The following CDH4 variants were observed in gnomAD, a reference collection of about 807,000 sequenced individuals.
CDH4 encodes the protein cadherin 4, also known as cadherin-4.
CDH4 carries 33 observed loss-of-function variants against 86.0 expected under a neutral mutation model. That is an observed-to-expected ratio of 0.38 (90% CI 0.29 to 0.51). The LOEUF is 0.51. Among genes scored for constraint, CDH4 ranks in the 20% least tolerant of loss-of-function variants. The pLI, the probability that CDH4 is intolerant of heterozygous loss-of-function variation, is 0.86. For synonymous variants in CDH4, 555 were observed against 549.4 expected, an observed-to-expected ratio of 1.01 and a Z score of -0.14; for missense variants, 1,114 against 1,307.4, an observed-to-expected ratio of 0.85 and a Z score of 2.28.
rs1286826269 is a variant in CDH4 at position 61,518,386 on chromosome 20, G to A, written c.170-225177G>A. On this transcript the variant is annotated intron_variant, in intron 2 of 15. Coordinates refer to ENST00000614565, the MANE Select transcript of CDH4 (RefSeq NM_001794.5). This position sits in a 1 kb window ranked among gnomAD's most constrained non-coding sequence, Gnocchi z 6.3. ...ACGTTATCAGATAGGCTGGAATTTG[G>A]CCAAATTCTCTGTTATGATGAGGCT... Among the ~76,000 whole-genome samples, 1 of 152,102 alleles carries A rather than the reference G, an allele frequency of 6.6e-6. No homozygotes were observed. Among genetic ancestry groups the A allele is most frequent in the African/African-American group, 2.4e-5 (1 of 41,414 alleles).
chr20:61,756,543 C>T (rs1445620253), intron 3 of CDH4, among the ~76,000 whole-genome samples: 1 of 150,306 alleles, frequency 6.7e-6, no homozygotes, highest in African/African-American at 2.5e-5. Context: ...TCACCCCATC[C>T]CCTGGACCCT....
At chr20:61,661,480 T>TC in intron 2 of CDH4, among the ~76,000 whole-genome samples, 1 of 150,574 alleles carries the variant, frequency 6.6e-6, no homozygotes, top group Admixed American at 6.6e-5. Flanking sequence ...CTTTTTTTTT[T>TC]TTTTTTTTTT....
rs140376640 is a variant in CDH4, at chr20:61,758,899, C to T, written c.397-14104C>T. ...AGGTTCTGCTTGGGCCGTTAGCTCTCGACTAGAGCTGGTGTGTGTGTGCAC... is the reference window on the plus strand; with the variant it reads ...AGGTTCTGCTTGGGCCGTTAGCTCTTGACTAGAGCTGGTGTGTGTGTGCAC... On this transcript the variant is annotated intron_variant, in intron 3 of 15. Coordinates refer to ENST00000614565, the MANE Select transcript of CDH4 (RefSeq NM_001794.5). Among the ~76,000 whole-genome samples the T allele has an allele frequency of 1.6e-3, 250 of 152,220 alleles. 2 individuals are homozygous for T. The highest frequency in any genetic ancestry group is 5.8e-3 in the African/African-American group (242 of 41,550).
rs148537348 is a variant in CDH4, at chr20:61,580,378, C to T, written c.170-163185C>T. Among the ~76,000 whole-genome samples, 1,400 of 152,208 alleles carry T rather than the reference C, an allele frequency of 9.2e-3. 21 individuals are homozygous for T. Among genetic ancestry groups the T allele is most frequent in the African/African-American group, 0.032 (1,314 of 41,526 alleles). On this transcript the variant is annotated intron_variant, in intron 2 of 15. Transcript: ENST00000614565. ...GCTGAGGCAGGAGAATTGCTGGCCA[C>T]CCGGGAGGTGGAGGCTGCAGTGAGC...
At chr20:61,499,510 A>G (rs1160513244) in intron 2 of CDH4, 2 of 1,286,594 alleles carry the variant, frequency 1.6e-6, no homozygotes, top group Non-Finnish European at 2.0e-6. Context: ...TGAGTGTGCT[A>G]GGGGGGCTTA....
At chr20:61,686,673 G>A (rs1293541052) in intron 2 of CDH4, among the ~76,000 whole-genome samples, 14 of 151,270 alleles carry the variant, frequency 9.3e-5, no homozygotes, top group African/African-American at 2.9e-4. Flanking sequence ...GTGTATGTGC[G>A]TGTGCATTTG....
At chr20:61,389,657 G>T (rs534985685) in intron 2 of CDH4, among the ~76,000 whole-genome samples, 1 of 152,170 alleles carries the variant, frequency 6.6e-6, no homozygotes, top group Non-Finnish European at 1.5e-5. Context: ...AGGAACACAC[G>T]GCGATGTCTG....
intron 2 of CDH4, among the ~76,000 whole-genome samples, chr20:61,394,891 G>T (rs2085007915): frequency 7.2e-6 from 1 of 138,394 alleles, no homozygotes; most frequent in East Asian, 2.1e-4. Flanking sequence ...TCACAACCCT[G>T]CCCCTGTCAC....
At chr20:61,818,504 GTC>G (rs1286313906) in intron 4 of CDH4, among the ~76,000 whole-genome samples, 1 of 151,970 alleles carries the variant, frequency 6.6e-6, no homozygotes, top group Non-Finnish European at 1.5e-5. Flanking sequence ...GCAAGGCCCT[GTC>G]TCTACACAAA....
intron 2 of CDH4, among the ~76,000 whole-genome samples, chr20:61,390,353 G>A (rs371417489): frequency 8.0e-6 from 1 of 125,742 alleles, no homozygotes; most frequent in African/African-American, 3.4e-5. Context: ...AGGAAACCCC[G>A]ATTGGGTTCG....
chr20:61,686,679 A>T (rs1251021304), intron 2 of CDH4, among the ~76,000 whole-genome samples: 1 of 138,320 alleles, frequency 7.2e-6, no homozygotes, highest in Non-Finnish European at 1.5e-5. Context: ...GTGCGTGTGC[A>T]TTTGTGTGTG....
intron 2 of CDH4, among the ~76,000 whole-genome samples, chr20:61,267,359 C>T (rs1350559969): frequency 1.3e-5 from 2 of 152,124 alleles, no homozygotes; most frequent in Non-Finnish European, 2.9e-5. Context: ...GTTTAGCCTC[C>T]GATTCCCCAG....
At chr20:61,592,737 T>G (rs2086527015) in intron 2 of CDH4, among the ~76,000 whole-genome samples, 1 of 152,174 alleles carries the variant, frequency 6.6e-6, no homozygotes, top group African/African-American at 2.4e-5. Flanking sequence ...CACGCAGTCT[T>G]CTGGGCCACC....
At chr20:61,538,721 T>C (rs781015836) in intron 2 of CDH4, among the ~76,000 whole-genome samples, 1 of 152,182 alleles carries the variant, frequency 6.6e-6, no homozygotes, top group East Asian at 1.9e-4. Context: ...CTATTCCCAC[T>C]GGGTGCGACT....
intron 2 of CDH4, among the ~76,000 whole-genome samples, chr20:61,634,368 C>T (rs111265911): frequency 2.2e-4 from 33 of 152,316 alleles, no homozygotes; most frequent in African/African-American, 7.7e-4. Context: ...CCGTGGAGCT[C>T]GGGGTAGGTG....
chr20:61,767,489 G>A (rs2088713841), intron 3 of CDH4, among the ~76,000 whole-genome samples: 1 of 152,216 alleles, frequency 6.6e-6, no homozygotes, highest in African/African-American at 2.4e-5. Flanking sequence ...ATTGAGCCTG[G>A]CATGAGGATG....
intron 4 of CDH4, among the ~76,000 whole-genome samples, chr20:61,777,984 GCA>G (rs1277395987): frequency 1.3e-5 from 2 of 151,890 alleles, no homozygotes; most frequent in South Asian, 2.1e-4. Flanking sequence ...ACATCCACAT[GCA>G]CACACACGTG....
At chr20:61,695,165 C>A (rs1262994062) in intron 2 of CDH4, among the ~76,000 whole-genome samples, 1 of 152,212 alleles carries the variant, frequency 6.6e-6, no homozygotes, top group Non-Finnish European at 1.5e-5. Context: ...AGAATTAATA[C>A]CTACTTAGAG....
chr20:61,890,039 G>T (rs1362570575), intron 7 of CDH4, among the ~76,000 whole-genome samples: 1 of 150,852 alleles, frequency 6.6e-6, no homozygotes, highest in African/African-American at 2.4e-5. Context: ...TGAGTGGATA[G>T]TTGGATGATG....
Sources: gnomAD v4.1 joint callset for allele counts (sites outside exome capture counted in the v4.1 genomes callset) on GRCh38, gnomAD v4.1.1 for gene constraint, Gnocchi (gnomAD v3.1) non-coding constraint, MANE v1.5 for transcripts, NCBI Gene and HGNC (gene_info 2026-07-23, HGNC 2026-07-21) for gene names.